DOCK8: variants seen among roughly 807,000 people sequenced by gnomAD.
The protein encoded by DOCK8 is dedicator of cytokinesis 8, also known as dedicator of cytokinesis protein 8.
Under a neutral mutation model 245.6 loss-of-function variants are expected in DOCK8, and 141 were observed. The observed-to-expected ratio is 0.57, with a 90% CI of 0.50 to 0.66. The LOEUF (loss-of-function observed/expected upper bound fraction) is 0.66. Among genes scored for constraint, DOCK8 ranks in the 30% least tolerant of loss-of-function variants. The probability of loss-of-function intolerance (pLI) is 0.00; values close to 1 mark genes in which losing one functional copy is unlikely to be tolerated. For synonymous variants in DOCK8, 1,168 were observed against 970.2 expected, an observed-to-expected ratio of 1.20 and a Z score of -3.79; for missense variants, 2,965 against 2,603.4, an observed-to-expected ratio of 1.14 and a Z score of -3.02.
At position 371,288 on chromosome 9, in the gene DOCK8, A is replaced by G. The variant is rs529523212; in HGVS notation, c.1869-140A>G. ...CATAAGCTTGGTCTCAGGGACTTCC[A>G]GCTTCAGAGCAGAGTAATGTAAAAT... On this transcript the variant is annotated intron_variant, in intron 16 of 47. Coordinates refer to ENST00000432829, the MANE Select transcript of DOCK8 (RefSeq NM_203447.4). 4 of 943,934 alleles carry G rather than the reference A, an allele frequency of 4.2e-6. No individual in the cohort carries two copies. In the South Asian group the frequency reaches 5.8e-5, roughly 14 times the overall value. 58.5% of individuals were successfully genotyped at this position (943,934 alleles called of 1,614,324 possible). A position where few individuals can be genotyped will look rare whatever the true frequency, so the allele number is the denominator to read the frequency against.
chr9:422,021 T>C (rs780010568), intron 32 of DOCK8, 27 bp from the exon 33 acceptor site: 1 of 1,583,728 alleles, frequency 6.3e-7, no homozygotes, highest in Non-Finnish European at 8.7e-7. Flanking sequence ...CTAATCAAAT[T>C]CCTATCATGC....
At chr9:446,714 T>C in intron 44 of DOCK8, 108 bp downstream of exon 44, 1 of 974,210 alleles carries the variant, frequency 1.0e-6, no homozygotes, top group Admixed American at 2.0e-5. Context: ...CAAGGAGGGA[T>C]GCACTTGAAA....
intron 14 of DOCK8, among the ~76,000 whole-genome samples, chr9:342,421 T>C (rs898153623): frequency 1.3e-5 from 2 of 151,362 alleles, no homozygotes; most frequent in Admixed American, 6.6e-5. Flanking sequence ...TTTGGAAATA[T>C]CAGTATTGAT....
At chr9:307,110 C>T (rs896548305) in intron 5 of DOCK8, among the ~76,000 whole-genome samples, 6 of 152,060 alleles carry the variant, frequency 3.9e-5, no homozygotes, top group Non-Finnish European at 5.9e-5. Context: ...CTTTGACCTC[C>T]TTGAACCATC....
rs75989444 is a variant in DOCK8, at chr9:359,408, C to T, written c.1680-8610C>T. 3.4e-3 allele frequency among the ~76,000 whole-genome samples: 510 copies of T among 152,180 alleles called. 10 individuals are homozygous for T. Among genetic ancestry groups the T allele is most frequent in the East Asian group, 0.01 (54 of 5,184 alleles). ...CTTCTGAATGAGGCTAATAGTAGTA[C>T]CTGTCATAGATGCTTGTAACAGTGC... On this transcript the variant is annotated intron_variant, in intron 14 of 47. Coordinates refer to ENST00000432829, the MANE Select transcript of DOCK8 (RefSeq NM_203447.4).
intron 1 of DOCK8, among the ~76,000 whole-genome samples, chr9:245,165 G>C (rs1451720244): frequency 6.6e-6 from 1 of 152,050 alleles, no homozygotes; most frequent in Non-Finnish European, 1.5e-5. Flanking sequence ...CCGACAGCTA[G>C]GTTATTTTGC....
At chr9:455,637 G>A (rs2057613262) in intron 46 of DOCK8, among the ~76,000 whole-genome samples, 1 of 152,146 alleles carries the variant, frequency 6.6e-6, no homozygotes, top group Non-Finnish European at 1.5e-5. Context: ...TGAGTGGAGA[G>A]CCTGCAAAGA....
At chr9:303,442 A>G (rs2049654194) in intron 4 of DOCK8, among the ~76,000 whole-genome samples, 1 of 152,242 alleles carries the variant, frequency 6.6e-6, no homozygotes, top group Non-Finnish European at 1.5e-5. Context: ...ACACCATGAA[A>G]TACCACACAG....
chr9:335,906 A>G (rs952722808), intron 11 of DOCK8, among the ~76,000 whole-genome samples: 12 of 152,332 alleles, frequency 7.9e-5, no homozygotes, highest in Admixed American at 2.6e-4. Context: ...GTTCTAAGCA[A>G]TTTGATTATT....
At chr9:258,756 C>A (rs957695081) in intron 1 of DOCK8, among the ~76,000 whole-genome samples, 1 of 151,834 alleles carries the variant, frequency 6.6e-6, no homozygotes, top group African/African-American at 2.4e-5. Context: ...TGCCACCATG[C>A]CCGGATAATT....
At chr9:244,777 CTGCTGGAGG>C (rs1235222044) in intron 1 of DOCK8, among the ~76,000 whole-genome samples, 1 of 152,172 alleles carries the variant, frequency 6.6e-6, no homozygotes, top group African/African-American at 2.4e-5. Context: ...AAGCTCAAAA[CTGCTGGAGG>C]TGCTTCCCAC....
In DOCK8 at chr9:413,649, A is replaced by T. The variant is rs569506733; in HGVS notation, c.3531-1133A>T. 2.3e-4 allele frequency among the ~76,000 whole-genome samples: 35 copies of T among 152,358 alleles called. No homozygotes were observed. The South Asian group carries it at 6.6e-3, about 29-fold the overall frequency. ...AAGATACAGCCATAAGACCATGAAG[A>T]TGTTCAGCATCATTAGCCGTCAGGG... On this transcript the variant is annotated intron_variant, in intron 28 of 47. Coordinates refer to ENST00000432829, the MANE Select transcript of DOCK8 (RefSeq NM_203447.4).
intron 14 of DOCK8, among the ~76,000 whole-genome samples, chr9:341,862 T>G (rs2051611759): frequency 6.6e-6 from 1 of 152,196 alleles, no homozygotes; most frequent in African/African-American, 2.4e-5. Flanking sequence ...TCCTGTCAGA[T>G]CAGCAGTGAC....
intron 9 of DOCK8, 122 bp from the exon 10 acceptor site, chr9:332,274 ATG>A: frequency 1.5e-6 from 1 of 667,820 alleles, no homozygotes; most frequent in Non-Finnish European, 2.6e-6. Flanking sequence ...ATAAAAAAAT[ATG>A]TATCACAGAT....
Position 317,062 on chromosome 9 carries a change from G to C in DOCK8, c.761G>C (p.Arg254Pro). The C allele has an allele frequency of 6.2e-7, 1 of 1,613,790 alleles. No homozygotes were observed. The highest frequency in any genetic ancestry group is 8.5e-7 in the Non-Finnish European group (1 of 1,179,696). Residue 254 changes from arginine to proline, a missense_variant, in exon 7 of 48, where the codon CGT (arginine) becomes CCT (proline). By Grantham distance (103) the Arg-to-Pro change is moderately radical (BLOSUM62 -2). This residue lies in a region of DOCK8 where 2,825 missense variants were observed against 2,453.5 expected (regional missense o/e 1.15). Coordinates refer to ENST00000432829, the MANE Select transcript of DOCK8 (RefSeq NM_203447.4). ...AAATAGGAGGATGCTGTGGAAATAC[G>C]TCCAGTACCAGAATGTCCCAAGGAA... ...SVDEEDAVEI[R>P]PVPECPKEHL... is the part of the protein sequence containing the mutation.
chr9:431,562 G>A (rs1178523858), intron 36 of DOCK8, among the ~76,000 whole-genome samples: 1 of 152,154 alleles, frequency 6.6e-6, no homozygotes, highest in Non-Finnish European at 1.5e-5. Context: ...TGGCTGGAGT[G>A]CAGTGGCGAG....
intron 4 of DOCK8, among the ~76,000 whole-genome samples, chr9:290,737 C>A (rs2049004206): frequency 1.3e-5 from 2 of 152,174 alleles, no homozygotes; most frequent in Non-Finnish European, 2.9e-5. Context: ...CGTCACAGAA[C>A]CTTTGACAAG....
intron 1 of DOCK8, chr9:267,841 C>A (rs1238123705): frequency 6.6e-6 from 1 of 152,176 alleles, no homozygotes; most frequent in East Asian, 1.9e-4. Flanking sequence ...TGCTATCATG[C>A]TATCATATAC....
At position 429,807 on chromosome 9, in the gene DOCK8, T is replaced by G; in HGVS notation, c.4579T>G (p.Cys1527Gly). The change falls in exon 36 of 48, where the codon TGT (cysteine) becomes GGT (glycine). Residue 1527 changes from cysteine to glycine, a missense_variant. Cys to Gly is a radical substitution (Grantham distance 159). Coordinates refer to ENST00000432829, the MANE Select transcript of DOCK8 (RefSeq NM_203447.4). ...CATGGATGTCACCCGGAGCCAAGCC[T>G]GTGCCACCCTTTACCTCCTCATGAG... ...SSMDVTRSQA[C>G]ATLYLLMRFS... is the part of the protein sequence containing the mutation. 1 of 1,614,244 alleles carries G rather than the reference T, an allele frequency of 6.2e-7. No homozygotes were observed. The highest frequency in any genetic ancestry group is 8.5e-7 in the Non-Finnish European group (1 of 1,180,048).
Sources: allele counts gnomAD v4.1 joint callset (sites outside exome capture counted in the v4.1 genomes callset), GRCh38; gene constraint gnomAD v4.1.1; regional missense constraint gnomAD v4.1.1; transcripts MANE v1.5; gene names NCBI Gene and HGNC (gene_info 2026-07-23, HGNC 2026-07-21).